The following NPAS3 variants were observed in gnomAD, a reference collection of about 807,000 sequenced individuals.
The protein encoded by NPAS3 is neuronal PAS domain protein 3, also known as neuronal PAS domain-containing protein 3.
In NPAS3, 14 loss-of-function variants were observed where a neutral mutation model predicts 73.1. The observed-to-expected ratio is 0.19, with a 90% CI of 0.13 to 0.30. The LOEUF is 0.30. Ranked by LOEUF, NPAS3 falls within the 10% of genes least tolerant of loss-of-function variation. The probability of loss-of-function intolerance (pLI) is 1.00; values close to 1 mark genes in which losing one functional copy is unlikely to be tolerated. For missense variants in NPAS3, 1,096 were observed against 1,250.0 expected (o/e 0.88, Z 1.86); for synonymous variants, 620 against 541.5 (o/e 1.14, Z -2.01).
chr14:33,404,725 A>G (rs549246285), intron 4 of NPAS3, among the ~76,000 whole-genome samples: 2 of 152,266 alleles, frequency 1.3e-5, no homozygotes, highest in East Asian at 1.9e-4. Context: ...AAAAGAATAT[A>G]TAATGGACAC....
chr14:33,315,094 G>A (rs917678787), intron 3 of NPAS3, among the ~76,000 whole-genome samples: 1 of 152,058 alleles, frequency 6.6e-6, no homozygotes, highest in African/African-American at 2.4e-5. Flanking sequence ...AGAGTGGGCA[G>A]TGAGCTGATG....
chr14:33,057,696 G>A (rs2040939737), intron 2 of NPAS3, among the ~76,000 whole-genome samples: 1 of 152,160 alleles, frequency 6.6e-6, no homozygotes, highest in African/African-American at 2.4e-5. Flanking sequence ...TTGTAGTCAA[G>A]GTAGACACAG....
intron 4 of NPAS3, among the ~76,000 whole-genome samples, chr14:33,448,600 C>G (rs2049633289): frequency 6.6e-6 from 1 of 152,100 alleles, no homozygotes; most frequent in Non-Finnish European, 1.5e-5. Context: ...ATCATTGTTC[C>G]TATTTGGCAA....
chr14:33,362,020 A>G (rs911971223), intron 3 of NPAS3, among the ~76,000 whole-genome samples: 5 of 152,338 alleles, frequency 3.3e-5, no homozygotes, highest in African/African-American at 1.2e-4. Context: ...TATTTCATGT[A>G]TGTGTTTTCA....
intron 1 of NPAS3, among the ~76,000 whole-genome samples, chr14:33,007,477 A>G (rs899155394): frequency 1.3e-5 from 2 of 152,208 alleles, no homozygotes; most frequent in Non-Finnish European, 2.9e-5. Context: ...ATTTAATTAA[A>G]TTACTAAATA....
intron 4 of NPAS3, among the ~76,000 whole-genome samples, chr14:33,459,203 A>G (rs899177884): frequency 5.3e-5 from 8 of 152,094 alleles, no homozygotes; most frequent in African/African-American, 1.9e-4. Flanking sequence ...CGGCTTCTTC[A>G]CTGACCTGTA....
chr14:32,964,978 A>G (rs1329666078), intron 1 of NPAS3, among the ~76,000 whole-genome samples: 2 of 152,170 alleles, frequency 1.3e-5, no homozygotes, highest in African/African-American at 4.8e-5. Flanking sequence ...TCTGAAACAC[A>G]AAAAGAAAGA....
chr14:33,705,717 A>G (rs533197864), intron 6 of NPAS3, among the ~76,000 whole-genome samples: 1 of 152,244 alleles, frequency 6.6e-6, no homozygotes, highest in Non-Finnish European at 1.5e-5. Flanking sequence ...GATACAGATC[A>G]GTAACTGAAT....
intron 7 of NPAS3, among the ~76,000 whole-genome samples, chr14:33,774,068 T>C (rs968895655): frequency 6.6e-6 from 1 of 152,118 alleles, no homozygotes; most frequent in Non-Finnish European, 1.5e-5. Flanking sequence ...GGTTATGAGT[T>C]TTCCCTTAAT....
At chr14:33,424,123 T>G (rs1324754424) in intron 4 of NPAS3, among the ~76,000 whole-genome samples, 1 of 147,630 alleles carries the variant, frequency 6.8e-6, no homozygotes, top group Non-Finnish European at 1.5e-5. Context: ...TGAGCATGAA[T>G]TGACTTGGCC....
chr14:33,041,466 G>A (rs2040344945), intron 1 of NPAS3, among the ~76,000 whole-genome samples: 1 of 152,266 alleles, frequency 6.6e-6, no homozygotes, highest in South Asian at 2.1e-4. Flanking sequence ...TCAACAACCT[G>A]TCATATTCTT....
At chr14:33,459,328 C>G (rs184473665) in intron 4 of NPAS3, among the ~76,000 whole-genome samples, 15 of 152,334 alleles carry the variant, frequency 9.8e-5, no homozygotes, top group Admixed American at 3.9e-4. Context: ...TGGAATTGCT[C>G]TGGTTCACAT....
upstream of NPAS3, chr14:32,934,953 G>T: frequency 1.6e-6 from 2 of 1,272,400 alleles, no homozygotes; most frequent in Non-Finnish European, 2.0e-6. The surrounding 1 kb of genome is among the most constrained non-coding windows in gnomAD (Gnocchi z 4.1). Flanking sequence ...CCGGCGCCGC[G>T]GCCAACGGCA....
intron 1 of NPAS3, among the ~76,000 whole-genome samples, chr14:33,048,539 C>A (rs929529468): frequency 6.6e-6 from 1 of 152,212 alleles, no homozygotes; most frequent in Non-Finnish European, 1.5e-5. Flanking sequence ...AGGACTCCCA[C>A]CAATCCCCAT....
At chr14:33,075,736 T>C (rs763220601) in intron 2 of NPAS3, among the ~76,000 whole-genome samples, 11 of 152,346 alleles carry the variant, frequency 7.2e-5, no homozygotes, top group Middle Eastern at 3.4e-3. Flanking sequence ...TTTAGGGAGA[T>C]AGTCATATAA....
chr14:33,155,262 T>A (rs933071101), intron 2 of NPAS3, among the ~76,000 whole-genome samples: 36 of 152,238 alleles, frequency 2.4e-4, no homozygotes, highest in African/African-American at 8.4e-4. Flanking sequence ...GATGGGAGAA[T>A]TATTTAGAGC....
At chr14:33,700,131 G>C (rs117085984) in intron 6 of NPAS3, among the ~76,000 whole-genome samples, 1 of 152,078 alleles carries the variant, frequency 6.6e-6, no homozygotes, top group African/African-American at 2.4e-5. Context: ...GATGGCTGCC[G>C]TGTCAGCATT....
chr14:33,461,466 C>T (rs1594951029), intron 4 of NPAS3, among the ~76,000 whole-genome samples: 1 of 152,268 alleles, frequency 6.6e-6, no homozygotes, highest in East Asian at 1.9e-4. Context: ...TAGCTAACAC[C>T]TAGATAGACA....
At chr14:33,520,110 T>G (rs1328754362) in intron 4 of NPAS3, among the ~76,000 whole-genome samples, 1 of 152,114 alleles carries the variant, frequency 6.6e-6, no homozygotes, top group African/African-American at 2.4e-5. Flanking sequence ...GCAGTTGCTT[T>G]ATTCCATCTT....
Sources: allele counts gnomAD v4.1 joint callset (sites outside exome capture counted in the v4.1 genomes callset), GRCh38; gene constraint gnomAD v4.1.1; non-coding constraint Gnocchi (gnomAD v3.1); transcripts MANE v1.5; gene names NCBI Gene and HGNC (gene_info 2026-07-23, HGNC 2026-07-21).